SLC24A3: variants seen among roughly 807,000 people sequenced by gnomAD.
The protein encoded by SLC24A3 is solute carrier family 24 member 3.
SLC24A3 carries 28 observed loss-of-function variants against 75.8 expected under a neutral mutation model. The observed-to-expected ratio is 0.37, with a 90% CI of 0.27 to 0.51. The LOEUF is 0.51. SLC24A3 is among the 20% of genes least tolerant of loss of function. The pLI, the probability that SLC24A3 is intolerant of heterozygous loss-of-function variation, is 0.94. For synonymous variants in SLC24A3, 372 were observed against 334.1 expected (o/e 1.11, Z -1.24); for missense variants, 663 against 847.8 (o/e 0.78, Z 2.71).
chr20:19,441,102 T>G (rs1053234138), intron 2 of SLC24A3, among the ~76,000 whole-genome samples: 1 of 152,220 alleles, frequency 6.6e-6, no homozygotes, highest in Non-Finnish European at 1.5e-5. Flanking sequence ...GAAACCAAGC[T>G]GGAAGCCTTT....
intron 2 of SLC24A3, among the ~76,000 whole-genome samples, chr20:19,323,674 A>G (rs1390283731): frequency 6.6e-6 from 1 of 152,160 alleles, no homozygotes; most frequent in Non-Finnish European, 1.5e-5. Context: ...ATGGGAGGCC[A>G]AGACCTAAGG....
chr20:19,335,596 A>G (rs753748547), intron 2 of SLC24A3, among the ~76,000 whole-genome samples: 5 of 152,234 alleles, frequency 3.3e-5, no homozygotes, highest in Admixed American at 6.5e-5. Context: ...CTCCAGCTCA[A>G]TGCCCATATT....
chr20:19,344,183 T>C (rs1489099023), intron 2 of SLC24A3, among the ~76,000 whole-genome samples: 3 of 152,228 alleles, frequency 2.0e-5, no homozygotes, highest in African/African-American at 7.2e-5. Context: ...CAATAAAGTG[T>C]ATTGCTAATT....
chr20:19,711,217 G>A (rs1048770896), intron 15 of SLC24A3, among the ~76,000 whole-genome samples: 16 of 141,782 alleles, frequency 1.1e-4, no homozygotes, highest in Admixed American at 5.0e-4. Flanking sequence ...GCAGGCAAAC[G>A]CACACACACA....
At chr20:19,341,139 G>T (rs958467040) in intron 2 of SLC24A3, among the ~76,000 whole-genome samples, 1 of 152,216 alleles carries the variant, frequency 6.6e-6, no homozygotes, top group East Asian at 1.9e-4. Flanking sequence ...ATTGGTCTGG[G>T]ATGTGGTCTG....
chr20:19,274,087 T>C (rs556155097), intron 1 of SLC24A3, among the ~76,000 whole-genome samples: 30 of 151,514 alleles, frequency 2.0e-4, no homozygotes, highest in African/African-American at 7.2e-4. Context: ...TTGAAGGGAC[T>C]GAAAACGCTC....
chr20:19,217,426 CAT>C (rs1407319255), intron 1 of SLC24A3, among the ~76,000 whole-genome samples: 2 of 152,202 alleles, frequency 1.3e-5, no homozygotes, highest in Non-Finnish European at 2.9e-5. Flanking sequence ...TACATACAAA[CAT>C]ATATAGACAA....
At chr20:19,525,046 G>A (rs984011054) in intron 3 of SLC24A3, among the ~76,000 whole-genome samples, 2 of 152,200 alleles carry the variant, frequency 1.3e-5, no homozygotes, top group Non-Finnish European at 2.9e-5. Context: ...AACAAGACCT[G>A]CTGCTTATCA....
intron 2 of SLC24A3, among the ~76,000 whole-genome samples, chr20:19,346,063 C>CTA (rs763603062): frequency 0.068 from 1,451 of 21,186 alleles, 139 homozygotes; most frequent in Non-Finnish European, 0.12. Context: ...ATAAAGAAAA[C>CTA]TATATATATA....
At chr20:19,527,758 A>G (rs2030225117) in intron 3 of SLC24A3, among the ~76,000 whole-genome samples, 1 of 152,240 alleles carries the variant, frequency 6.6e-6, no homozygotes, top group Non-Finnish European at 1.5e-5. Context: ...ACATTTGCAC[A>G]AAGACATAGC....
intron 3 of SLC24A3, among the ~76,000 whole-genome samples, chr20:19,565,640 A>G (rs1190544215): frequency 1.3e-5 from 2 of 151,920 alleles, no homozygotes; most frequent in African/African-American, 4.8e-5. Context: ...CTTCTGAGCA[A>G]CCCAACCAAG....
chr20:19,597,781 A>C (rs1568667909), intron 6 of SLC24A3, among the ~76,000 whole-genome samples: 1 of 152,130 alleles, frequency 6.6e-6, no homozygotes, highest in Non-Finnish European at 1.5e-5. Flanking sequence ...CCTCCATGAG[A>C]TTAACTATTT....
chr20:19,410,397 G>A (rs1297378199), intron 2 of SLC24A3, among the ~76,000 whole-genome samples: 2 of 152,152 alleles, frequency 1.3e-5, no homozygotes, highest in Non-Finnish European at 2.9e-5. Context: ...TGCATCTCAG[G>A]ACACATTTAG....
intron 6 of SLC24A3, among the ~76,000 whole-genome samples, chr20:19,592,610 AG>A (rs923216942): frequency 1.3e-4 from 20 of 152,172 alleles, no homozygotes; most frequent in African/African-American, 4.6e-4. Flanking sequence ...AGAGAAAAGC[AG>A]GAACCTCTCG....
chr20:19,341,694 C>G (rs897552351), intron 2 of SLC24A3, among the ~76,000 whole-genome samples: 3 of 152,162 alleles, frequency 2.0e-5, no homozygotes, highest in African/African-American at 7.2e-5. Flanking sequence ...GCAGAAGTCC[C>G]CCAAATAGCA....
intron 1 of SLC24A3, among the ~76,000 whole-genome samples, chr20:19,258,904 T>C (rs553183187): frequency 6.6e-6 from 1 of 152,260 alleles, no homozygotes; most frequent in East Asian, 1.9e-4. Context: ...GCAAATTGCA[T>C]TCAGGCCCTA....
intron 2 of SLC24A3, among the ~76,000 whole-genome samples, chr20:19,364,358 G>A (rs1271581014): frequency 1.3e-5 from 2 of 152,084 alleles, no homozygotes; most frequent in African/African-American, 4.8e-5. Context: ...TGGGATCTCC[G>A]TTGATCTCAG....
intron 6 of SLC24A3, among the ~76,000 whole-genome samples, chr20:19,633,436 T>G (rs1452229231): frequency 6.6e-6 from 1 of 151,648 alleles, no homozygotes; most frequent in Non-Finnish European, 1.5e-5. Flanking sequence ...GATCACGAGG[T>G]CAGGAGATCG....
chr20:19,363,197 G>C (rs1319890046), intron 2 of SLC24A3, among the ~76,000 whole-genome samples: 1 of 152,230 alleles, frequency 6.6e-6, no homozygotes, highest in Non-Finnish European at 1.5e-5. Flanking sequence ...GGCATGGGTT[G>C]AGTGCACAAG....
Sources: gnomAD v4.1 joint callset for allele counts (sites outside exome capture counted in the v4.1 genomes callset) on GRCh38, gnomAD v4.1.1 for gene constraint, MANE v1.5 for transcripts, NCBI Gene and HGNC (gene_info 2026-07-23, HGNC 2026-07-21) for gene names.